Variants in ARL14EP observed in about 807,000 individuals in gnomAD.
ARL14EP encodes the protein ARF like GTPase 14 effector protein.
ARL14EP carries 12 observed loss-of-function variants against 23.1 expected under a neutral mutation model. The observed-to-expected ratio is 0.52, with a 90% CI of 0.33 to 0.84. The LOEUF (loss-of-function observed/expected upper bound fraction) is 0.84. ARL14EP is among the 40% of genes least tolerant of loss of function. The pLI, the probability that ARL14EP is intolerant of heterozygous loss-of-function variation, is 0.02. For missense variants in ARL14EP, 253 were observed against 307.3 expected (o/e 0.82, Z 1.32); for synonymous variants, 97 against 102.0 (o/e 0.95, Z 0.29).
intron 1 of ARL14EP, among the ~76,000 whole-genome samples, chr11:30,323,533 C>T (rs1450748542): frequency 6.6e-6 from 1 of 152,192 alleles, no homozygotes; most frequent in Non-Finnish European, 1.5e-5. Flanking sequence ...CCTTGAACTC[C>T]GTAGACAGCC....
At chr11:30,326,280 A>C (rs1236221567) in intron 1 of ARL14EP, among the ~76,000 whole-genome samples, 1 of 152,184 alleles carries the variant, frequency 6.6e-6, no homozygotes, top group Non-Finnish European at 1.5e-5. Flanking sequence ...ATCCTGACTC[A>C]TTGGGTCTGG....
In ARL14EP at chr11:30,331,283, G is replaced by T; in HGVS notation, c.335G>T (p.Gly112Val). ...SAKFGRQLVPGWKLCPKCTQI... is the reference protein window; with the variant it reads ...SAKFGRQLVPVWKLCPKCTQI... ...AAATTTGGAAGACAGCTTGTACCTG[G>T]TTGGAAGCTTTGTCCAAAATGCACA... Residue 112 changes from glycine to valine, a missense_variant, in exon 2 of 4, where the codon GGT becomes GTT. By Grantham distance (109) the Gly-to-Val change is moderately radical. Coordinates refer to ENST00000282032, the MANE Select transcript of ARL14EP (RefSeq NM_152316.3). The T allele has an allele frequency of 1.2e-6, 2 of 1,613,946 alleles. No homozygotes were observed. Among genetic ancestry groups the T allele is most frequent in the South Asian group, 2.2e-5 (2 of 91,086 alleles).
At chr11:30,327,169 G>A (rs1947242271) in intron 1 of ARL14EP, among the ~76,000 whole-genome samples, 1 of 152,120 alleles carries the variant, frequency 6.6e-6, no homozygotes, top group African/African-American at 2.4e-5. Context: ...GAGGTGAGAA[G>A]ATCACTTGAG....
chr11:30,330,147 A>G (rs968247348), intron 1 of ARL14EP: 1 of 152,116 alleles, frequency 6.6e-6, no homozygotes, highest in African/African-American at 2.4e-5. Flanking sequence ...ATAGTACCAC[A>G]TGTCATATAC....
chr11:30,330,413 T>C (rs1175067749), intron 1 of ARL14EP: 1 of 152,618 alleles, frequency 6.6e-6, no homozygotes, highest in Non-Finnish European at 1.5e-5. Context: ...ATATTTTTTA[T>C]AATGAGCCAC....
chr11:30,331,727 G>A (rs1947285931), intron 2 of ARL14EP: 1 of 1,068,460 alleles, frequency 9.4e-7, no homozygotes, highest in Non-Finnish European at 1.1e-6. Flanking sequence ...ACCACCAAGG[G>A]TCTTTGCAGC....
At chr11:30,334,735 G>A (rs1264727394) in intron 3 of ARL14EP, among the ~76,000 whole-genome samples, 1 of 152,196 alleles carries the variant, frequency 6.6e-6, no homozygotes, top group Non-Finnish European at 1.5e-5. Flanking sequence ...GACAAAGCCT[G>A]AATGGCAGCA....
At chr11:30,331,619 T>C in intron 2 of ARL14EP, 1 of 1,354,810 alleles carries the variant, frequency 7.4e-7, no homozygotes, top group Non-Finnish European at 9.5e-7. Context: ...AGCTACAACT[T>C]TTAGTGCGAA....
intron 1 of ARL14EP, among the ~76,000 whole-genome samples, chr11:30,325,748 A>G (rs1279284527): frequency 1.3e-5 from 2 of 152,212 alleles, no homozygotes; most frequent in Non-Finnish European, 1.5e-5. Flanking sequence ...TTAAATGACA[A>G]TTAAAAGTAG....
chr11:30,336,356 C>T (rs1179259132), intron 3 of ARL14EP, among the ~76,000 whole-genome samples: 2 of 130,056 alleles, frequency 1.5e-5, no homozygotes, highest in Admixed American at 1.5e-4. Context: ...TTAGATTTGT[C>T]TCAACACTCT....
chr11:30,327,755 G>A (rs985816467), intron 1 of ARL14EP, among the ~76,000 whole-genome samples: 4 of 144,262 alleles, frequency 2.8e-5, no homozygotes, highest in South Asian at 2.2e-4. Flanking sequence ...TCAGGAGATC[G>A]AGACCATCCT....
chr11:30,324,863 TTAGG>T (rs1367514367), intron 1 of ARL14EP, among the ~76,000 whole-genome samples: 5 of 152,196 alleles, frequency 3.3e-5, no homozygotes, highest in African/African-American at 9.7e-5. Context: ...CTTTTGATTC[TTAGG>T]TAGTGCTACA....
rs757375524 is a variant in ARL14EP, at chr11:30,331,331, A to G, written c.383A>G (p.Asp128Gly). The change falls in exon 2 of 4, where the codon GAT (aspartate) becomes GGT (glycine). Residue 128 changes from aspartate to glycine, a missense_variant. Physicochemically the swap from Asp to Gly is moderately conservative, Grantham distance 94. Transcript: ENST00000282032. The part of the protein sequence containing the change: ...KCTQIINGSV[D>G]VDTEDRQKRK... ...ACACAGATAATCAATGGAAGTGTGG[A>G]TGTTGATACTGAAGACCGCCAGAAA... The G allele has an allele frequency of 6.8e-6, 11 of 1,613,902 alleles. No homozygotes were observed. In the Admixed American group the frequency reaches 1.0e-4, roughly 15 times the overall value.
In ARL14EP at chr11:30,331,584, A is replaced by G. The variant is rs192450433; in HGVS notation, c.426+210A>G. On this transcript the variant is annotated intron_variant, in intron 2 of 3. Coordinates refer to ENST00000282032, the MANE Select transcript of ARL14EP (RefSeq NM_152316.3). ...TAAAGAAAGTAGGCCTGGGAAAGTA[A>G]TAATAAAATATGCCTAAGACTCCAA... 1,345 of 1,411,446 alleles carry G rather than the reference A, an allele frequency of 9.5e-4. 5 individuals carry two copies. Among genetic ancestry groups the G allele is most frequent in the Middle Eastern group, 3.7e-3 (14 of 3,778 alleles). 87.4% of individuals were successfully genotyped at this position (1,411,446 alleles called of 1,614,324 possible). A position where few individuals can be genotyped will look rare whatever the true frequency, so the allele number is the denominator to read the frequency against.
intron 1 of ARL14EP, among the ~76,000 whole-genome samples, chr11:30,325,884 T>C (rs543244086): frequency 2.0e-5 from 3 of 152,318 alleles, no homozygotes; most frequent in South Asian, 4.1e-4. Context: ...CAGACAATTA[T>C]TTTGCATTGC....
rs1947343627 is a variant in ARL14EP at position 30,337,547 on chromosome 11, A to G, written c.*752A>G. ...ATGTTGTTCTTGCTGCTGTGTATTC[A>G]TAGGAGCTTAGTGAAGGCAAACTTA... On this transcript the variant is annotated 3_prime_UTR_variant, in exon 4 of 4. Transcript: ENST00000282032. The G allele has an allele frequency of 3.9e-5, 6 of 152,352 alleles. No individual in the cohort carries two copies. In the South Asian group the frequency reaches 1.2e-3, roughly 32 times the overall value. The allele number at this position is 152,352 out of a possible 1,614,324, so 9.4% of individuals were successfully genotyped here.
At chr11:30,328,835 C>T (rs1292542583) in intron 1 of ARL14EP, 1 of 151,776 alleles carries the variant, frequency 6.6e-6, no homozygotes, top group Non-Finnish European at 1.5e-5. Flanking sequence ...TGTAAAATTG[C>T]TGAATCCTAG....
intron 1 of ARL14EP, among the ~76,000 whole-genome samples, chr11:30,326,457 A>C (rs2133644434): frequency 6.6e-6 from 1 of 152,346 alleles, no homozygotes; most frequent in East Asian, 1.9e-4. Flanking sequence ...AACAATATGA[A>C]CTTGCTGGAC....
chr11:30,330,764 C>G lies in ARL14EP; in HGVS notation c.-63-122C>G, dbSNP rs530987323. On this transcript the variant is annotated intron_variant, in intron 1 of 3. Coordinates refer to ENST00000282032, the MANE Select transcript of ARL14EP (RefSeq NM_152316.3). Reference sequence around the variant, plus strand: ...TTATTAAATGTCTATTATAAGACTTCGATAAATACCTTTTTTATTCCTTAT... The same window carrying G: ...TTATTAAATGTCTATTATAAGACTTGGATAAATACCTTTTTTATTCCTTAT... The G allele has an allele frequency of 1.8e-5, 11 of 611,758 alleles. No homozygotes were observed. In the South Asian group the frequency reaches 2.1e-4, roughly 11 times the overall value. The allele number at this position is 611,758 out of a possible 1,614,324, so 37.9% of individuals were successfully genotyped here. A position where few individuals can be genotyped will look rare whatever the true frequency, so the allele number is the denominator to read the frequency against.
Sources: allele counts gnomAD v4.1 joint callset (sites outside exome capture counted in the v4.1 genomes callset), GRCh38; gene constraint gnomAD v4.1.1; transcripts MANE v1.5; gene names NCBI Gene and HGNC (gene_info 2026-07-23, HGNC 2026-07-21).